The following MDGA2 variants were observed in gnomAD, a reference collection of about 807,000 sequenced individuals.
MDGA2 encodes MAM domain containing glycosylphosphatidylinositol anchor 2, also known as MAM domain-containing glycosylphosphatidylinositol anchor protein 2.
A neutral mutation model predicts 117.8 loss-of-function variants in MDGA2; 40 were observed. The ratio of observed to expected loss-of-function variants is 0.34; its 90% confidence interval spans 0.26 to 0.44. The LOEUF (loss-of-function observed/expected upper bound fraction) is 0.44. MDGA2 is among the 20% of genes least tolerant of loss of function. The probability of loss-of-function intolerance (pLI) is 1.00; values close to 1 mark genes in which losing one functional copy is unlikely to be tolerated. For missense variants in MDGA2, 1,123 were observed against 1,250.6 expected (o/e 0.90, Z 1.54); for synonymous variants, 452 against 439.0 (o/e 1.03, Z -0.37).
At chr14:47,554,921 A>AT (rs1011929203) in intron 1 of MDGA2, among the ~76,000 whole-genome samples, 3 of 151,960 alleles carry the variant, frequency 2.0e-5, no homozygotes, top group African/African-American at 7.3e-5. Flanking sequence ...CTCTTTTCTA[A>AT]TTTTTCCCAG....
chr14:47,303,823 T>G (rs1414898876), intron 1 of MDGA2, among the ~76,000 whole-genome samples: 1 of 152,158 alleles, frequency 6.6e-6, no homozygotes, highest in Non-Finnish European at 1.5e-5. Context: ...TTTACACTTG[T>G]TATTTTTGTT....
chr14:47,646,979 C>G (rs531637820), intron 1 of MDGA2, among the ~76,000 whole-genome samples: 2 of 152,266 alleles, frequency 1.3e-5, no homozygotes, highest in East Asian at 3.9e-4. Context: ...TTTACATGAA[C>G]ATCTAAGAGA....
chr14:47,275,706 T>C (rs1888289940), intron 2 of MDGA2, among the ~76,000 whole-genome samples: 1 of 152,146 alleles, frequency 6.6e-6, no homozygotes, highest in Non-Finnish European at 1.5e-5. Context: ...TTTAGACAAA[T>C]ATTTCCAGTT....
intron 5 of MDGA2, among the ~76,000 whole-genome samples, chr14:47,108,365 C>T (rs577047460): frequency 3.3e-5 from 5 of 152,300 alleles, no homozygotes; most frequent in Admixed American, 6.5e-5. Flanking sequence ...GTGACTTGCA[C>T]GTATACGCCC....
chr14:46,924,214 T>G (rs1884239775), intron 9 of MDGA2, among the ~76,000 whole-genome samples: 1 of 152,000 alleles, frequency 6.6e-6, no homozygotes, highest in Admixed American at 6.6e-5. Flanking sequence ...TTTGAAAATT[T>G]TTATAGATTT....
chr14:47,513,330 G>A (rs1894682376), intron 1 of MDGA2, among the ~76,000 whole-genome samples: 1 of 152,074 alleles, frequency 6.6e-6, no homozygotes, highest in African/African-American at 2.4e-5. Context: ...TACTAGTGGT[G>A]CTTACAATGA....
intron 8 of MDGA2, among the ~76,000 whole-genome samples, chr14:46,958,666 A>G (rs917125171): frequency 6.6e-6 from 1 of 152,246 alleles, no homozygotes; most frequent in Admixed American, 6.5e-5. Flanking sequence ...AAGGAGAGGT[A>G]GATTGGTGTG....
At chr14:46,852,213 G>C (rs575323220) in intron 15 of MDGA2, among the ~76,000 whole-genome samples, 27 of 151,748 alleles carry the variant, frequency 1.8e-4, no homozygotes, top group Non-Finnish European at 3.5e-4. Flanking sequence ...ATGAAAAATA[G>C]AGTAACAGGA....
At chr14:47,087,780 T>C (rs976341985) in intron 6 of MDGA2, among the ~76,000 whole-genome samples, 2 of 137,140 alleles carry the variant, frequency 1.5e-5, no homozygotes, top group Non-Finnish European at 3.1e-5. Flanking sequence ...GTCTTGGCAC[T>C]GTTTTACAAC....
chr14:47,664,331 G>A (rs1009684164), intron 1 of MDGA2, among the ~76,000 whole-genome samples: 1 of 151,784 alleles, frequency 6.6e-6, no homozygotes, highest in African/African-American at 2.4e-5. Flanking sequence ...TCTTATTCTG[G>A]TCTAAAAACT....
At chr14:47,282,866 T>C (rs1188919835) in intron 2 of MDGA2, among the ~76,000 whole-genome samples, 1 of 150,884 alleles carries the variant, frequency 6.6e-6, no homozygotes, top group Non-Finnish European at 1.5e-5. Context: ...GGAGGATTGC[T>C]TGAGCCCAGG....
At chr14:47,349,809 CTCT>C (rs561878973) in intron 1 of MDGA2, among the ~76,000 whole-genome samples, 2 of 152,216 alleles carry the variant, frequency 1.3e-5, no homozygotes, top group Non-Finnish European at 2.9e-5. Flanking sequence ...GGTCCATTCT[CTCT>C]TCTTCTCATT....
At position 47,290,565 on chromosome 14, in the gene MDGA2, C is replaced by A. The variant is rs376325071; in HGVS notation, c.420+10846G>T. Among the ~76,000 whole-genome samples the A allele has an allele frequency of 1.2e-3, 185 of 152,112 alleles. 1 individual carries two copies. The highest frequency in any genetic ancestry group is 4.2e-3 in the African/African-American group (174 of 41,518). On this transcript the variant is annotated intron_variant, in intron 2 of 16. Coordinates refer to ENST00000399232, the MANE Select transcript of MDGA2 (RefSeq NM_001113498.3). Reference sequence around the variant, plus strand: ...AAACAAAATTTCACTAAACATTATACCCTGGCTAATGACTTATGGCTTTTC... The same window carrying A: ...AAACAAAATTTCACTAAACATTATAACCTGGCTAATGACTTATGGCTTTTC...
chr14:47,079,552 A>G (rs1890622123), intron 6 of MDGA2, among the ~76,000 whole-genome samples: 1 of 152,046 alleles, frequency 6.6e-6, no homozygotes, highest in African/African-American at 2.4e-5. Context: ...TTTGGCAAAA[A>G]TTTTAGTGAT....
chr14:47,197,836 G>T (rs1885344122), intron 3 of MDGA2, among the ~76,000 whole-genome samples: 1 of 152,136 alleles, frequency 6.6e-6, no homozygotes, highest in Admixed American at 6.5e-5. Context: ...GTGAACCTGG[G>T]ATGCAGAGGT....
chr14:47,205,079 A>G (rs1253643182), intron 3 of MDGA2, among the ~76,000 whole-genome samples: 1 of 151,894 alleles, frequency 6.6e-6, no homozygotes, highest in African/African-American at 2.4e-5. Flanking sequence ...ACATACATAT[A>G]TAGTTCGTTT....
intron 5 of MDGA2, among the ~76,000 whole-genome samples, chr14:47,118,045 GT>G (rs1440593517): frequency 6.6e-6 from 1 of 152,160 alleles, no homozygotes; most frequent in Non-Finnish European, 1.5e-5. Context: ...ATAAAAAAGT[GT>G]TTTACCTGAA....
At chr14:47,362,202 A>G (rs964025806) in intron 1 of MDGA2, among the ~76,000 whole-genome samples, 1 of 152,186 alleles carries the variant, frequency 6.6e-6, no homozygotes, top group Non-Finnish European at 1.5e-5. Context: ...TAAAGGGAAT[A>G]TAGACATCTT....
chr14:47,063,729 G>T (rs565887623), intron 6 of MDGA2, among the ~76,000 whole-genome samples: 7 of 151,936 alleles, frequency 4.6e-5, no homozygotes, highest in African/African-American at 1.4e-4. Context: ...TTACAATTTT[G>T]AAAGTTTTAT....
Sources: gnomAD v4.1 joint callset for allele counts (sites outside exome capture counted in the v4.1 genomes callset) on GRCh38, gnomAD v4.1.1 for gene constraint, MANE v1.5 for transcripts, NCBI Gene and HGNC (gene_info 2026-07-23, HGNC 2026-07-21) for gene names.